Variants in JKAMP observed in about 807,000 individuals in gnomAD.
JKAMP encodes JNK1/MAPK8 associated membrane protein, also known as JNK1/MAPK8-associated membrane protein.
JKAMP carries 20 observed loss-of-function variants against 40.2 expected under a neutral mutation model. The observed-to-expected ratio is 0.50, with a 90% confidence interval of 0.35 to 0.72. JKAMP has a LOEUF of 0.72. JKAMP is among the 30% of genes least tolerant of loss of function. The probability of loss-of-function intolerance (pLI) is 0.01; values close to 1 mark genes in which losing one functional copy is unlikely to be tolerated. For synonymous variants in JKAMP, 138 were observed against 131.6 expected, an observed-to-expected ratio of 1.05 and a Z score of -0.33; for missense variants, 276 against 373.0, an observed-to-expected ratio of 0.74 and a Z score of 2.14.
At chr14:59,486,541 T>A in intron 1 of JKAMP, 172 bp from the exon 2 acceptor site, 2 of 600,674 alleles carry the variant, frequency 3.3e-6, no homozygotes, top group South Asian at 4.1e-5. Flanking sequence ...CTGTCTGCAG[T>A]GTCACAGTGT....
In JKAMP at chr14:59,495,612, T is replaced by A. The variant is rs575753698; in HGVS notation, c.458+388T>A. 2.0e-5 allele frequency among the ~76,000 whole-genome samples: 3 copies of A among 152,220 alleles called. No individual in the cohort carries two copies. In the South Asian group the frequency reaches 6.2e-4, roughly 31 times the overall value. Reference sequence around the variant, plus strand: ...AATATTAAATTCATAAAATTCTGTATGCAATTATGCCAGACTATTCCAGTT... The same window carrying A: ...AATATTAAATTCATAAAATTCTGTAAGCAATTATGCCAGACTATTCCAGTT... On this transcript the variant is annotated intron_variant, in intron 4 of 6. Coordinates refer to ENST00000616435, the MANE Select transcript of JKAMP (RefSeq NM_016475.5).
At chr14:59,486,207 A>G (rs913621095) in intron 1 of JKAMP, among the ~76,000 whole-genome samples, 1 of 152,200 alleles carries the variant, frequency 6.6e-6, no homozygotes, top group Non-Finnish European at 1.5e-5. Flanking sequence ...TTATAAAGGT[A>G]ATTTGCATAC....
intron 6 of JKAMP, 55 bp from the exon 7 acceptor site, chr14:59,503,799 T>G (rs1445964549): frequency 5.8e-6 from 6 of 1,035,918 alleles, no homozygotes; most frequent in Non-Finnish European, 8.8e-6. Context: ...ATTACCCAGC[T>G]GACTTAGCCT....
At chr14:59,489,485 T>A (rs1306823903) in intron 3 of JKAMP, among the ~76,000 whole-genome samples, 1 of 152,222 alleles carries the variant, frequency 6.6e-6, no homozygotes, top group Non-Finnish European at 1.5e-5. Flanking sequence ...TACATTTCTG[T>A]CAGCATTTTG....
At chr14:59,503,627 G>T (rs1226098653) in intron 6 of JKAMP, among the ~76,000 whole-genome samples, 9 of 152,170 alleles carry the variant, frequency 5.9e-5, no homozygotes, top group African/African-American at 2.2e-4. Flanking sequence ...CGTAGCTTTC[G>T]TCTGGGTGCC....
chr14:59,503,218 G>C (rs1233193897), intron 6 of JKAMP, among the ~76,000 whole-genome samples: 3 of 152,124 alleles, frequency 2.0e-5, no homozygotes, highest in African/African-American at 7.2e-5. Flanking sequence ...CTTAGTACTG[G>C]TTGAGTTGAT....
rs1321810153 is a variant in JKAMP, at chr14:59,505,269, T to C, written c.*1197T>C. The C allele has an allele frequency of 6.6e-7, 1 of 1,509,776 alleles. No individual in the cohort carries two copies. Among genetic ancestry groups the C allele is most frequent in the Non-Finnish European group, 8.9e-7 (1 of 1,128,216 alleles). The allele number at this position is 1,509,776 out of a possible 1,614,324, so 93.5% of individuals were successfully genotyped here. A position where few individuals can be genotyped will look rare whatever the true frequency, so the allele number is the denominator to read the frequency against. On this transcript the variant is annotated 3_prime_UTR_variant, in exon 7 of 7. Coordinates refer to ENST00000616435, the MANE Select transcript of JKAMP (RefSeq NM_016475.5). The stretch of plus-strand genomic sequence containing the variant: ...TTGTTAATGTATTTTTCTCAGTACA[T>C]TTAACCACTGGGAAATGAACCCTTG...
At position 59,487,682 on chromosome 14, in the gene JKAMP, A is replaced by G. The variant is rs1201751507; in HGVS notation, c.105A>G (p.Pro35=). 20 of 1,612,508 alleles carry G rather than the reference A, an allele frequency of 1.2e-5. No homozygotes were observed. Among genetic ancestry groups the G allele is most frequent in the Non-Finnish European group, 1.7e-5 (20 of 1,178,748 alleles). ...TEIYGECGVC[P]RGQRTNAQKY... ...GGTTTTATATATTATAGGTATGCCC[A>G]AGAGGACAGAGAACGAATGCACAGA... The change falls in exon 3 of 7, where the codon CCA becomes CCG. Residue 35 remains proline (P), a synonymous_variant. Coordinates refer to ENST00000616435, the MANE Select transcript of JKAMP (RefSeq NM_016475.5).
In JKAMP at chr14:59,494,287, G is replaced by A. The variant is rs533101175; in HGVS notation, c.252-731G>A. Among the ~76,000 whole-genome samples the A allele has an allele frequency of 2.6e-5, 4 of 152,204 alleles. No individual in the cohort carries two copies. In the East Asian group the frequency reaches 7.7e-4, roughly 29 times the overall value. ...AAAGTGAAAATTGAGCCCACAAACA[G>A]GTACACATTTGCAACACATTTAACT... On this transcript the variant is annotated intron_variant, in intron 3 of 6. Coordinates refer to ENST00000616435, the MANE Select transcript of JKAMP (RefSeq NM_016475.5).
intron 5 of JKAMP, 85 bp downstream of exon 5, chr14:59,498,993 C>A: frequency 2.2e-6 from 1 of 457,216 alleles, no homozygotes; most frequent in Non-Finnish European, 3.5e-6. Flanking sequence ...GGAGATTTTT[C>A]CTTAAGATAG....
chr14:59,490,096 A>T (rs565569197), intron 3 of JKAMP, among the ~76,000 whole-genome samples: 2 of 151,656 alleles, frequency 1.3e-5, no homozygotes, highest in African/African-American at 4.9e-5. Flanking sequence ...CTAATTTTTT[A>T]TATTTTGTAG....
chr14:59,503,482 C>G (rs1892093604), intron 6 of JKAMP, among the ~76,000 whole-genome samples: 3 of 152,136 alleles, frequency 2.0e-5, no homozygotes, highest in Non-Finnish European at 4.4e-5. Flanking sequence ...CCTGTAGATC[C>G]ATAGCAACAG....
At chr14:59,501,424 A>G (rs1040617549) in intron 6 of JKAMP, among the ~76,000 whole-genome samples, 157 bp downstream of exon 6, 4 of 152,198 alleles carry the variant, frequency 2.6e-5, no homozygotes, top group Non-Finnish European at 5.9e-5. Flanking sequence ...TAACTTTATG[A>G]AAAGTTGTGT....
intron 4 of JKAMP, 35 bp downstream of exon 4, chr14:59,495,259 T>G (rs1891359712): frequency 6.9e-7 from 1 of 1,451,578 alleles, no homozygotes; most frequent in Non-Finnish European, 9.7e-7. Context: ...TCATTGTTTT[T>G]TTTTAAATCT....
At position 59,501,266 on chromosome 14, in the gene JKAMP, A is replaced by T. The variant is rs1891857209; in HGVS notation, c.716A>T (p.Glu239Val). The T allele has an allele frequency of 2.5e-6, 4 of 1,579,922 alleles. No individual in the cohort carries two copies. Among genetic ancestry groups the T allele is most frequent in the Non-Finnish European group, 3.5e-6 (4 of 1,153,024 alleles). ...GTGTACATGTCTGCTTCTGAAATAG[A>T]GGTAGGAAGTCTTTTTTTCCTTTGT... ...LAVYMSASEI[E>V]NCYDLLVRKK... Residue 239 changes from glutamate (E) to valine (V), a missense_variant and splice_region_variant, in exon 6 of 7, where the codon GAG becomes GTG. Coordinates refer to ENST00000616435, the MANE Select transcript of JKAMP (RefSeq NM_016475.5).
At chr14:59,490,899 C>T (rs532861051) in intron 3 of JKAMP, among the ~76,000 whole-genome samples, 53 of 152,100 alleles carry the variant, frequency 3.5e-4, no homozygotes, top group Non-Finnish European at 6.2e-4. Flanking sequence ...TGAATTCAGA[C>T]GTCAGCTATG....
At chr14:59,503,817 T>C (rs1272877337) in intron 6 of JKAMP, 37 bp from the exon 7 acceptor site, 1 of 1,296,140 alleles carries the variant, frequency 7.7e-7, no homozygotes, top group Non-Finnish European at 1.1e-6. Context: ...CCTGATAATC[T>C]GTATTTCTCT....
chr14:59,495,001 C>T lies in JKAMP; in HGVS notation c.252-17C>T, dbSNP rs559901256. 1.9e-6 allele frequency: 3 copies of T among 1,594,304 alleles called. No individual in the cohort carries two copies. Among genetic ancestry groups the T allele is most frequent in the Non-Finnish European group, 2.6e-6 (3 of 1,162,888 alleles). Reference sequence around the variant, plus strand: ...ATTGCAATTTTTCTAGTAATCATGCCTCTTTTCCTTCTCTAGTTCCAGCGC... The same window carrying T: ...ATTGCAATTTTTCTAGTAATCATGCTTCTTTTCCTTCTCTAGTTCCAGCGC... On this transcript the variant is annotated splice_polypyrimidine_tract_variant and intron_variant, in intron 3 of 6. Coordinates refer to ENST00000616435, the MANE Select transcript of JKAMP (RefSeq NM_016475.5).
At chr14:59,488,989 C>G (rs1418301813) in intron 3 of JKAMP, among the ~76,000 whole-genome samples, 2 of 152,252 alleles carry the variant, frequency 1.3e-5, no homozygotes, top group African/African-American at 4.8e-5. Context: ...GTCGGACAGG[C>G]AGTCTGAAAG....
Sources: gnomAD v4.1 joint callset for allele counts (sites outside exome capture counted in the v4.1 genomes callset) on GRCh38, gnomAD v4.1.1 for gene constraint, MANE v1.5 for transcripts, NCBI Gene and HGNC (gene_info 2026-07-23, HGNC 2026-07-21) for gene names.